The following STAT3 variants were observed in gnomAD, a reference collection of about 807,000 sequenced individuals.
STAT3 encodes DNA-binding protein APRF.
In STAT3, 7 loss-of-function variants were observed where a neutral mutation model predicts 114.3. That is an observed-to-expected ratio of 0.06 (90% CI 0.03 to 0.11). STAT3 has a LOEUF of 0.11. Ranked by LOEUF, STAT3 falls within the 10% of genes least tolerant of loss-of-function variation. The probability of loss-of-function intolerance (pLI) is 1.00; values close to 1 mark genes in which losing one functional copy is unlikely to be tolerated. For synonymous variants in STAT3, 331 were observed against 354.5 expected (o/e 0.93, Z 0.74); for missense variants, 364 against 960.9 (o/e 0.38, Z 8.21).
chr17:42,351,182 G>GTATTT (rs987213648), intron 1 of STAT3, among the ~76,000 whole-genome samples: 4 of 150,616 alleles, frequency 2.7e-5, no homozygotes, highest in Non-Finnish European at 5.9e-5. Flanking sequence ...TAATTTTAAT[G>GTATTT]TATTTTATTT....
At chr17:42,340,093 G>A (rs1425103066) in intron 4 of STAT3, among the ~76,000 whole-genome samples, 2 of 152,078 alleles carry the variant, frequency 1.3e-5, no homozygotes, top group African/African-American at 2.4e-5. Context: ...TGCGGTGGCT[G>A]ATGCCTGTAA....
chr17:42,319,990 A>G (rs928811197), intron 21 of STAT3, among the ~76,000 whole-genome samples: 1 of 152,140 alleles, frequency 6.6e-6, no homozygotes, highest in Non-Finnish European at 1.5e-5. Context: ...CTGGCCTCCC[A>G]GCCCACAGGA....
intron 1 of STAT3, among the ~76,000 whole-genome samples, chr17:42,360,175 T>A (rs937915565): frequency 6.6e-6 from 1 of 151,898 alleles, no homozygotes; most frequent in Non-Finnish European, 1.5e-5. Context: ...ATGTCTGTTC[T>A]TCACCACTAT....
chr17:42,323,235 T>TCTGTGCACA, intron 19 of STAT3, 25 bp downstream of exon 19: 2 of 1,614,150 alleles, frequency 1.2e-6, no homozygotes, highest in Non-Finnish European at 1.7e-6. Flanking sequence ...CTTGGTTACA[T>TCTGTGCACA]CTGTGCACAC....
chr17:42,334,146 C>A (rs529733792), intron 8 of STAT3, 97 bp from the exon 9 acceptor site: 1 of 1,393,910 alleles, frequency 7.2e-7, no homozygotes, highest in African/African-American at 1.4e-5. Context: ...GAGACCACTA[C>A]AATAAGAACA....
At chr17:42,321,431 A>AT (rs1312998908) in intron 21 of STAT3, among the ~76,000 whole-genome samples, 1 of 152,092 alleles carries the variant, frequency 6.6e-6, no homozygotes, top group African/African-American at 2.4e-5. Context: ...AGCTAAAATA[A>AT]TTTATATATA....
chr17:42,353,967 C>CCCACTATA (rs1194400691), intron 1 of STAT3, among the ~76,000 whole-genome samples: 1 of 152,130 alleles, frequency 6.6e-6, no homozygotes, highest in African/African-American at 2.4e-5. Flanking sequence ...GAAACAGCAT[C>CCCACTATA]CCACTATACC....
At chr17:42,330,864 C>T (rs1482663267) in intron 11 of STAT3, among the ~76,000 whole-genome samples, 1 of 152,098 alleles carries the variant, frequency 6.6e-6, no homozygotes, top group Non-Finnish European at 1.5e-5. Flanking sequence ...TTTCCACATG[C>T]TATGTATGGA....
At chr17:42,330,354 G>T (rs1238064424) in intron 11 of STAT3, among the ~76,000 whole-genome samples, 1 of 151,770 alleles carries the variant, frequency 6.6e-6, no homozygotes, top group East Asian at 1.9e-4. Flanking sequence ...GACCTCAGGT[G>T]ATCTGCCCAC....
rs2081155534 is a variant in STAT3, at chr17:42,313,703, G to A, written c.*2042C>T. The A allele has an allele frequency of 8.6e-6, 2 of 232,890 alleles. No homozygotes were observed. Among genetic ancestry groups the A allele is most frequent in the African/African-American group, 4.4e-5 (2 of 45,280 alleles). 14.4% of individuals were successfully genotyped at this position (232,890 alleles called of 1,614,324 possible). A position where few individuals can be genotyped will look rare whatever the true frequency, so the allele number is the denominator to read the frequency against. ...TGAACTTGACAATATCTGCTCCAGA[G>A]AAGCCCTGAACCCTCGCCCTAGGTC... On this transcript the variant is annotated 3_prime_UTR_variant, in exon 24 of 24. Transcript: ENST00000264657.
chr17:42,356,977 G>A (rs1190873809), intron 1 of STAT3, among the ~76,000 whole-genome samples: 1 of 151,864 alleles, frequency 6.6e-6, no homozygotes, highest in African/African-American at 2.4e-5. Context: ...TAGTAGAGAC[G>A]GCGCTTCACC....
chr17:42,342,476 C>CT (rs751662707), intron 4 of STAT3, among the ~76,000 whole-genome samples: 3 of 140,418 alleles, frequency 2.1e-5, no homozygotes, highest in Non-Finnish European at 4.7e-5. Flanking sequence ...GAGTGAGACT[C>CT]TGTCTCAAAA....
intron 21 of STAT3, among the ~76,000 whole-genome samples, chr17:42,317,766 C>T (rs17886263): frequency 5.3e-5 from 8 of 152,160 alleles, no homozygotes; most frequent in African/African-American, 1.7e-4. Context: ...CTGGCCTCTA[C>T]CACATTTTTG....
chr17:42,368,009 CAT>C (rs1437583735), intron 1 of STAT3, among the ~76,000 whole-genome samples: 2 of 152,174 alleles, frequency 1.3e-5, no homozygotes, highest in African/African-American at 4.8e-5. Flanking sequence ...GTAAAGCAAA[CAT>C]ACAAAGTTTC....
Position 42,327,569 on chromosome 17 carries a change from T to TTA in STAT3, c.1282-1372_1282-1371dup, listed in dbSNP as rs17878674. ...GCTTATAATCAGGCTGATGTCCACT[T>TTA]TATATATGTCTCCTGGGACATATAT... On this transcript the variant is annotated intron_variant, in intron 14 of 23. Coordinates refer to ENST00000264657, the MANE Select transcript of STAT3 (RefSeq NM_139276.3). 3.8e-4 allele frequency among the ~76,000 whole-genome samples: 58 copies of TTA among 152,346 alleles called. 1 individual carries two copies. Among genetic ancestry groups the TTA allele is most frequent in the African/African-American group, 1.4e-3 (58 of 41,588 alleles).
At chr17:42,372,061 C>T (rs1567753469) in intron 1 of STAT3, among the ~76,000 whole-genome samples, 1 of 152,214 alleles carries the variant, frequency 6.6e-6, no homozygotes, top group Non-Finnish European at 1.5e-5. Context: ...AAAACACTGA[C>T]ACCACTAAAT....
intron 1 of STAT3, among the ~76,000 whole-genome samples, chr17:42,380,856 T>A (rs552429165): frequency 2.7e-4 from 41 of 152,308 alleles, no homozygotes; most frequent in African/African-American, 9.1e-4. Context: ...AAGGCTGTCA[T>A]GAGCTGTGAT....
chr17:42,369,819 C>A (rs1250878524), intron 1 of STAT3, among the ~76,000 whole-genome samples: 1 of 151,918 alleles, frequency 6.6e-6, no homozygotes, highest in Non-Finnish European at 1.5e-5. Flanking sequence ...CTGCCAAACC[C>A]AGCTAATTAA....
chr17:42,346,730 T>C lies in STAT3; in HGVS notation c.129-17A>G. ...GCATATGCCCTAGGAAAAGGAAGAA[T>C]GATAAAGAATGGCTCTGAAGCCGAC... is the stretch of plus-strand genomic sequence containing the variant. On this transcript the variant is annotated splice_polypyrimidine_tract_variant and intron_variant, in intron 2 of 23. Transcript: ENST00000264657. 6.2e-7 allele frequency: 1 copy of C among 1,613,926 alleles called. No individual in the cohort carries two copies. Among genetic ancestry groups the C allele is most frequent in the Non-Finnish European group, 8.5e-7 (1 of 1,179,974 alleles).
Sources: gnomAD v4.1 joint callset for allele counts (sites outside exome capture counted in the v4.1 genomes callset) on GRCh38, gnomAD v4.1.1 for gene constraint, MANE v1.5 for transcripts, NCBI Gene and HGNC (gene_info 2026-07-23, HGNC 2026-07-21) for gene names.